DOCK9: variants seen among roughly 807,000 people sequenced by gnomAD.
The protein encoded by DOCK9 is dedicator of cytokinesis protein 9.
A neutral mutation model predicts 263.3 loss-of-function variants in DOCK9; 89 were observed. That is an observed-to-expected ratio of 0.34 (90% CI 0.28 to 0.40). The LOEUF (loss-of-function observed/expected upper bound fraction) is 0.40. DOCK9 is among the 10% of genes least tolerant of loss of function. The pLI is 1.00. For missense variants in DOCK9, 2,140 were observed against 2,603.4 expected, an observed-to-expected ratio of 0.82 and a Z score of 3.87; for synonymous variants, 976 against 973.1, an observed-to-expected ratio of 1.00 and a Z score of -0.06.
chr13:98,819,733 G>A (rs1287049811), intron 45 of DOCK9, among the ~76,000 whole-genome samples: 4 of 152,214 alleles, frequency 2.6e-5, no homozygotes, highest in Non-Finnish European at 5.9e-5. Flanking sequence ...GGGTAAAGTG[G>A]ACATGAGCTA....
intron 2 of DOCK9, among the ~76,000 whole-genome samples, chr13:98,939,247 C>A (rs775218697): frequency 3.3e-5 from 5 of 152,184 alleles, no homozygotes; most frequent in Non-Finnish European, 7.3e-5. Flanking sequence ...TTTCAGGGTA[C>A]CTGGGGTCCT....
chr13:98,972,645 G>A (rs2059855824), intron 1 of DOCK9, among the ~76,000 whole-genome samples: 3 of 152,130 alleles, frequency 2.0e-5, no homozygotes, highest in Middle Eastern at 3.2e-3. Flanking sequence ...CTGATCACAT[G>A]AACAGTTAGG....
chr13:99,072,770 C>T (rs1393452881), intron 1 of DOCK9, among the ~76,000 whole-genome samples: 1 of 152,114 alleles, frequency 6.6e-6, no homozygotes, highest in African/African-American at 2.4e-5. Context: ...GACGCCGAGG[C>T]AGGAAGATCA....
chr13:99,024,779 G>T (rs1886524590), intron 1 of DOCK9, among the ~76,000 whole-genome samples: 1 of 152,172 alleles, frequency 6.6e-6, no homozygotes, highest in Non-Finnish European at 1.5e-5. Context: ...TGATACTAAT[G>T]TGGTTACCTC....
chr13:98,953,231 A>G (rs2057653548), intron 2 of DOCK9, among the ~76,000 whole-genome samples: 1 of 152,218 alleles, frequency 6.6e-6, no homozygotes, highest in Non-Finnish European at 1.5e-5. Context: ...TAAAGCTCCA[A>G]TTCAAGCTCC....
chr13:98,838,838 T>C (rs2093106909), intron 38 of DOCK9, among the ~76,000 whole-genome samples: 1 of 152,198 alleles, frequency 6.6e-6, no homozygotes, highest in African/African-American at 2.4e-5. Flanking sequence ...GAGGAGGACA[T>C]TTTGTACATA....
chr13:98,853,564 A>AG, intron 34 of DOCK9, 42 bp from the exon 35 acceptor site: 1 of 1,397,528 alleles, frequency 7.2e-7, no homozygotes, highest in Non-Finnish European at 1.0e-6. Context: ...TAATTACGGG[A>AG]GGAAAACGTG....
At chr13:98,902,253 C>A in intron 12 of DOCK9, 35 bp downstream of exon 12, 4 of 1,606,116 alleles carry the variant, frequency 2.5e-6, no homozygotes, top group Non-Finnish European at 3.4e-6. Context: ...CAAAGTGAGT[C>A]TGAGTAGTGG....
chr13:98,864,079 TAAAC>T (rs1204867563), intron 30 of DOCK9, among the ~76,000 whole-genome samples: 1 of 152,240 alleles, frequency 6.6e-6, no homozygotes, highest in African/African-American at 2.4e-5. Flanking sequence ...GGATTTAAGA[TAAAC>T]AAATTAATAT....
rs546131134 is a variant in DOCK9, at chr13:99,083,930, A to G, written c.129+2293T>C. Among the ~76,000 whole-genome samples, 4 of 152,348 alleles carry G rather than the reference A, an allele frequency of 2.6e-5. No homozygotes were observed. The South Asian group carries it at 8.3e-4, about 32-fold the overall frequency. On this transcript the variant is annotated intron_variant, in intron 1 of 32. Transcript: ENST00000427887. ...GCAGAACTGCTTTATTAGCTAGATAAGAATATTTATTGAGCATTTATGTTG... is the reference window on the plus strand; with the variant it reads ...GCAGAACTGCTTTATTAGCTAGATAGGAATATTTATTGAGCATTTATGTTG...
intron 50 of DOCK9, among the ~76,000 whole-genome samples, chr13:98,798,378 C>T (rs943390015): frequency 2.6e-5 from 4 of 152,084 alleles, no homozygotes; most frequent in African/African-American, 7.2e-5. Context: ...TCACACCAGA[C>T]GTGGAGACAC....
Position 98,829,229 on chromosome 13 carries a change from T to C in DOCK9, c.4965+78A>G. ...TTTTTGATTAATGGAATAACTTTTC[T>C]CAAAACTGGCTTTTTAAGTGAATGG... On this transcript the variant is annotated intron_variant, in intron 43 of 52. Transcript: ENST00000682017. The surrounding 1 kb of genome is among the most constrained non-coding windows in gnomAD (Gnocchi z 4.1). 1 of 1,356,252 alleles carries C rather than the reference T, an allele frequency of 7.4e-7. No homozygotes were observed. The allele number at this position is 1,356,252 out of a possible 1,614,324, so 84.0% of individuals were successfully genotyped here. A position where few individuals can be genotyped will look rare whatever the true frequency, so the allele number is the denominator to read the frequency against.
chr13:99,026,632 C>A (rs1457034329), intron 1 of DOCK9, among the ~76,000 whole-genome samples: 2 of 152,202 alleles, frequency 1.3e-5, no homozygotes, highest in South Asian at 2.1e-4. Context: ...CCAATTCATT[C>A]AAAGAAATTT....
At chr13:99,042,016 A>G (rs1888508690) in intron 1 of DOCK9, among the ~76,000 whole-genome samples, 1 of 152,204 alleles carries the variant, frequency 6.6e-6, no homozygotes, top group Non-Finnish European at 1.5e-5. Flanking sequence ...TTCAGCCACC[A>G]GGTTTGTGAT....
intron 7 of DOCK9, among the ~76,000 whole-genome samples, chr13:98,917,249 C>T (rs1404571853): frequency 6.6e-6 from 1 of 152,330 alleles, no homozygotes; most frequent in South Asian, 2.1e-4. Context: ...AAAATAATTA[C>T]TTCCTACTTT....
chr13:99,053,852 C>G (rs1695747304), intron 1 of DOCK9, among the ~76,000 whole-genome samples: 1 of 152,128 alleles, frequency 6.6e-6, no homozygotes, highest in Admixed American at 6.5e-5. Flanking sequence ...CCTCCCCTCA[C>G]TCACCCTCCT....
chr13:98,972,457 C>G (rs1270214688), intron 1 of DOCK9, among the ~76,000 whole-genome samples: 2 of 152,132 alleles, frequency 1.3e-5, no homozygotes, highest in Non-Finnish European at 2.9e-5. Flanking sequence ...GTAGCAGTGA[C>G]TTGGCATGGC....
At position 98,829,689 on chromosome 13, in the gene DOCK9, GA is replaced by G; in HGVS notation, c.4702del (p.Ser1568ProfsTer24). The part of the protein sequence containing the change: ...VGIGGTRFQQ[S>X]LSIINNCANS... The stretch of plus-strand genomic sequence containing the variant: ...GGCACAGTTGTTGATGATGGACAGG[GA>G]CTGCTGGAATCTGGTTCCCCCAATG... On this transcript the variant is annotated frameshift_variant, in exon 42 of 53. Transcript: ENST00000682017. LOFTEE classifies it high-confidence loss of function. The surrounding 1 kb of genome is among the most constrained non-coding windows in gnomAD (Gnocchi z 4.1). The G allele has an allele frequency of 6.2e-7, 1 of 1,610,444 alleles. No individual in the cohort carries two copies.
At chr13:98,892,976 A>G (rs1215452748) in intron 15 of DOCK9, among the ~76,000 whole-genome samples, 1 of 152,192 alleles carries the variant, frequency 6.6e-6, no homozygotes, top group Admixed American at 6.5e-5. Context: ...TGAGCCACAG[A>G]CTGGGCTTTG....
Sources: allele counts gnomAD v4.1 joint callset (sites outside exome capture counted in the v4.1 genomes callset), GRCh38; gene constraint gnomAD v4.1.1; non-coding constraint Gnocchi (gnomAD v3.1); transcripts MANE v1.5; gene names NCBI Gene and HGNC (gene_info 2026-07-23, HGNC 2026-07-21).